SPON1: variants seen among roughly 807,000 people sequenced by gnomAD.
SPON1 encodes spondin 1.
Under a neutral mutation model 111.7 loss-of-function variants are expected in SPON1, and 52 were observed. The ratio of observed to expected loss-of-function variants is 0.47; its 90% confidence interval spans 0.37 to 0.59. The LOEUF (loss-of-function observed/expected upper bound fraction) is 0.59. SPON1 is among the 20% of genes least tolerant of loss of function. The pLI is 0.00. For synonymous variants in SPON1, 410 were observed against 395.8 expected, an observed-to-expected ratio of 1.04 and a Z score of -0.43; for missense variants, 957 against 1,068.5, an observed-to-expected ratio of 0.90 and a Z score of 1.46.
At chr11:14,141,833 T>G (rs889901839) in intron 6 of SPON1, among the ~76,000 whole-genome samples, 3 of 152,196 alleles carry the variant, frequency 2.0e-5, no homozygotes, top group Non-Finnish European at 2.9e-5. Flanking sequence ...TGACTTCAAG[T>G]GTTCTCTATG....
At chr11:14,023,384 A>G (rs1327147776) in intron 2 of SPON1, among the ~76,000 whole-genome samples, 1 of 141,378 alleles carries the variant, frequency 7.1e-6, no homozygotes, top group African/African-American at 2.4e-5. Flanking sequence ...AAATACTGTG[A>G]AGGTAAAACT....
chr11:13,998,634 G>A (rs782600252), intron 2 of SPON1, among the ~76,000 whole-genome samples: 4 of 152,168 alleles, frequency 2.6e-5, no homozygotes, highest in Non-Finnish European at 5.9e-5. Flanking sequence ...AGACAACTGG[G>A]CCATGTCTGT....
rs868981566 is a variant in SPON1, at chr11:13,963,041, G to A, written c.137G>A (p.Arg46His). The A allele has an allele frequency of 1.3e-6, 2 of 1,583,558 alleles. No homozygotes were observed. The highest frequency in any genetic ancestry group is 1.7e-6 in the Non-Finnish European group (2 of 1,166,216). Residue 46 changes from arginine to histidine, a missense_variant, in exon 1 of 16, where the codon CGT becomes CAT. Arg to His is a conservative substitution (Grantham distance 29). This residue lies in a region of SPON1 where 262 missense variants were observed against 253.9 expected (regional missense o/e 1.03). Transcript: ENST00000576479. Reference sequence around the variant, plus strand: ...CCCAAGTCAGAGGGCTACTGCAGCCGTATCCTGCGCGCCCAGGGCACGCGG... The same window carrying A: ...CCCAAGTCAGAGGGCTACTGCAGCCATATCCTGCGCGCCCAGGGCACGCGG... ...KVPKSEGYCS[R>H]ILRAQGTRRE... is the part of the protein sequence containing the mutation.
chr11:14,182,676 C>A (rs1848246806), intron 6 of SPON1, among the ~76,000 whole-genome samples: 1 of 152,158 alleles, frequency 6.6e-6, no homozygotes, highest in Non-Finnish European at 1.5e-5. Context: ...AAGCTTGTTG[C>A]CTAAAAGGGA....
intron 5 of SPON1, among the ~76,000 whole-genome samples, chr11:14,108,581 TA>T (rs1181329677): frequency 1.3e-5 from 2 of 152,210 alleles, no homozygotes; most frequent in African/African-American, 4.8e-5. Context: ...AGACCATTTA[TA>T]AAAGATTTTA....
chr11:14,255,105 G>A (rs1256003892), intron 8 of SPON1, among the ~76,000 whole-genome samples: 4 of 152,116 alleles, frequency 2.6e-5, no homozygotes, highest in African/African-American at 9.7e-5. Context: ...AAAACCAATG[G>A]GAGAACAATC....
At chr11:14,010,995 C>CT (rs1237298820) in intron 2 of SPON1, among the ~76,000 whole-genome samples, 1 of 152,190 alleles carries the variant, frequency 6.6e-6, no homozygotes, top group Non-Finnish European at 1.5e-5. Context: ...ACATTCCCCG[C>CT]TTTTTTTCTT....
chr11:14,070,212 T>C (rs1848864582), intron 3 of SPON1, among the ~76,000 whole-genome samples: 1 of 152,224 alleles, frequency 6.6e-6, no homozygotes, highest in African/African-American at 2.4e-5. Flanking sequence ...GGTTATAAAC[T>C]GGACCAACTC....
At chr11:14,255,831 G>A in intron 9 of SPON1, 44 bp downstream of exon 9, 2 of 1,596,586 alleles carry the variant, frequency 1.3e-6, no homozygotes, top group Non-Finnish European at 1.7e-6. Context: ...TTCCCGGTAG[G>A]AGTGCCAGGG....
At chr11:14,137,585 G>A (rs1160130797) in intron 6 of SPON1, among the ~76,000 whole-genome samples, 1 of 152,268 alleles carries the variant, frequency 6.6e-6, no homozygotes, top group East Asian at 1.9e-4. Flanking sequence ...CAACAGCAGA[G>A]AATACCAGGA....
chr11:14,184,262 C>G (rs1385492693), intron 6 of SPON1, among the ~76,000 whole-genome samples: 1 of 152,166 alleles, frequency 6.6e-6, no homozygotes, highest in Admixed American at 6.5e-5. Flanking sequence ...GATCTACTAA[C>G]TTATAGCTAT....
At chr11:14,070,571 A>G (rs1266990406) in intron 3 of SPON1, among the ~76,000 whole-genome samples, 2 of 152,228 alleles carry the variant, frequency 1.3e-5, no homozygotes, top group African/African-American at 4.8e-5. Context: ...TGTGCAACAC[A>G]CCACAGTAGG....
At chr11:14,262,588 T>TA in intron 14 of SPON1, 124 bp from the exon 15 acceptor site, 1 of 1,295,300 alleles carries the variant, frequency 7.7e-7, no homozygotes, top group Non-Finnish European at 1.1e-6. Flanking sequence ...TCTTCTTCTG[T>TA]AAAATAGCAT....
Position 14,264,032 on chromosome 11 carries a change from A to AT in SPON1, c.2260+1059dup, listed in dbSNP as rs1328761184. On this transcript the variant is annotated intron_variant, in intron 15 of 15. Coordinates refer to ENST00000576479, the MANE Select transcript of SPON1 (RefSeq NM_006108.4). The stretch of plus-strand genomic sequence containing the variant: ...CAACAAGAGTGAAACTCCGTCTCAA[A>AT]TTAAAAAAAAAAAAAAAGAAAAGTA... Among the ~76,000 whole-genome samples the AT allele has an allele frequency of 4.2e-3, 641 of 150,842 alleles. 20 individuals carry two copies. Among genetic ancestry groups the AT allele is most frequent in the Non-Finnish European group, 7.3e-4 (49 of 67,546 alleles).
intron 6 of SPON1, among the ~76,000 whole-genome samples, chr11:14,147,903 T>C (rs1396012951): frequency 6.6e-6 from 1 of 152,188 alleles, no homozygotes; most frequent in African/African-American, 2.4e-5. Context: ...AGATGGCTTT[T>C]AGATATTATA....
chr11:14,067,453 A>G (rs1848841533), intron 3 of SPON1, among the ~76,000 whole-genome samples: 3 of 152,228 alleles, frequency 2.0e-5, no homozygotes, highest in Non-Finnish European at 2.9e-5. Flanking sequence ...CAGCAGCTAA[A>G]TGATGTCAAG....
chr11:14,105,289 G>T (rs1359260116), intron 5 of SPON1, among the ~76,000 whole-genome samples: 1 of 151,998 alleles, frequency 6.6e-6, no homozygotes, highest in African/African-American at 2.4e-5. Context: ...CTCTTCCAGA[G>T]CACTCCATTC....
intron 7 of SPON1, among the ~76,000 whole-genome samples, chr11:14,247,033 G>A (rs1243933487): frequency 6.6e-6 from 1 of 152,196 alleles, no homozygotes; most frequent in East Asian, 1.9e-4. Context: ...GGTCTAACTA[G>A]ATCCAGAAAT....
At chr11:14,099,336 T>A (rs1025848029) in intron 5 of SPON1, among the ~76,000 whole-genome samples, 1 of 152,208 alleles carries the variant, frequency 6.6e-6, no homozygotes, top group African/African-American at 2.4e-5. Context: ...TTTACACACA[T>A]CCACTTTTAT....
Sources: allele counts gnomAD v4.1 joint callset (sites outside exome capture counted in the v4.1 genomes callset), GRCh38; gene constraint gnomAD v4.1.1; regional missense constraint gnomAD v4.1.1; transcripts MANE v1.5; gene names NCBI Gene and HGNC (gene_info 2026-07-23, HGNC 2026-07-21).